Variants in DMD observed in about 807,000 individuals in gnomAD.
DMD encodes mutant dystrophin.
In DMD, 63 loss-of-function variants were observed where a neutral mutation model predicts 330.1. That is an observed-to-expected ratio of 0.19 (90% confidence interval 0.16 to 0.24). DMD has a LOEUF of 0.24. Ranked by LOEUF, DMD falls within the 10% of genes least tolerant of loss-of-function variation. DMD has a pLI of 1.00. For missense variants in DMD, 3,344 were observed against 2,684.1 expected (o/e 1.25, Z -5.43); for synonymous variants, 1,223 against 959.8 (o/e 1.27, Z -5.07).
intron 51 of DMD, among the ~76,000 whole-genome samples, chrX:31,754,917 G>A (rs1444669192): frequency 2.7e-5 from 3 of 111,505 alleles, no homozygotes; most frequent in East Asian, 5.6e-4. Context: ...TAGTTAGACC[G>A]CTAAAAATAA....
intron 56 of DMD, among the ~76,000 whole-genome samples, chrX:31,503,186 C>T (rs2070587007): frequency 8.9e-6 from 1 of 111,812 alleles, no homozygotes; most frequent in Non-Finnish European, 1.9e-5. Flanking sequence ...TATATAATGC[C>T]TTTTAAATCA....
chrX:32,129,450 T>G (rs1342562940), intron 44 of DMD, among the ~76,000 whole-genome samples: 4 of 111,156 alleles, frequency 3.6e-5, no homozygotes, highest in Admixed American at 9.7e-5. Context: ...AAAAGTTTCA[T>G]GAGTACAAAA....
At chrX:31,153,295 T>G in intron 74 of DMD, among the ~76,000 whole-genome samples, 1 of 112,121 alleles carries the variant, frequency 8.9e-6, no homozygotes, top group Non-Finnish European at 1.9e-5. Context: ...GCAAACTGTT[T>G]CTTTTCATGT....
chrX:32,675,577 T>C (rs754213596), intron 9 of DMD, among the ~76,000 whole-genome samples: 1 of 111,760 alleles, frequency 8.9e-6, no homozygotes, highest in South Asian at 3.7e-4. Context: ...TGTGCATAAG[T>C]GTGTTTATGA....
At chrX:32,247,041 A>T (rs2097242027) in intron 43 of DMD, among the ~76,000 whole-genome samples, 1 of 112,005 alleles carries the variant, frequency 8.9e-6, no homozygotes, top group South Asian at 3.7e-4. Flanking sequence ...CATGTAGGTA[A>T]TTTAAATTCA....
At position 33,009,084 on chromosome X, in the gene DMD, GTATA is replaced by G. The variant is rs72042235; in HGVS notation, c.93+11051_93+11054del. Among the ~76,000 whole-genome samples the G allele has an allele frequency of 1.4e-4, 3 of 21,699 alleles. 1 individual carries two copies. The highest frequency in any genetic ancestry group is 4.4e-4 in the Non-Finnish European group (3 of 6,796). 18.8% of individuals were successfully genotyped at this position (21,699 alleles called of 115,157 possible). On this transcript the variant is annotated intron_variant, in intron 2 of 78. Transcript: ENST00000357033. ...TGCATACACACATATACATATATGT[GTATA>G]TATACGTATATATGTATATATATGT...
intron 7 of DMD, among the ~76,000 whole-genome samples, chrX:32,807,531 T>C (rs2077050179): frequency 9.0e-6 from 1 of 111,466 alleles, no homozygotes; most frequent in Non-Finnish European, 1.9e-5. Flanking sequence ...AAAATGGTGA[T>C]CTTATAGGAT....
chrX:32,699,374 AAAGG>A (rs1320893221), intron 7 of DMD, 81 bp from the exon 8 acceptor site: 4 of 780,099 alleles, frequency 5.1e-6, no homozygotes, highest in African/African-American at 4.0e-5. Flanking sequence ...AATCAAAGTT[AAAGG>A]AAGACGATAG....
In DMD at chrX:32,033,603, CAGAA is replaced by C. The variant is rs753337646; in HGVS notation, c.6439-65093_6439-65090del. 9.4e-3 allele frequency among the ~76,000 whole-genome samples: 563 copies of C among 59,835 alleles called. 7 individuals are homozygous for C. The highest frequency in any genetic ancestry group is 0.024 in the Middle Eastern group (3 of 125). The allele number at this position is 59,835 out of a possible 115,157, so 52.0% of individuals were successfully genotyped here. ...TAAAAAAACAAGACAGACAGACAGA[CAGAA>C]AGAAAGAAAGAAAGAAAGAAAGAAA... On this transcript the variant is annotated intron_variant, in intron 44 of 78. Coordinates refer to ENST00000357033, the MANE Select transcript of DMD (RefSeq NM_004006.3).
intron 2 of DMD, among the ~76,000 whole-genome samples, chrX:32,860,313 G>T (rs1002206309): frequency 4.5e-5 from 5 of 112,034 alleles, no homozygotes; most frequent in African/African-American, 1.6e-4. Flanking sequence ...GGATCAATAC[G>T]TTTCAGTAGA....
intron 41 of DMD, among the ~76,000 whole-genome samples, chrX:32,333,544 G>A (rs6527183): frequency 0.48 from 53,071 of 109,790 alleles, 10,571 homozygotes; most frequent in South Asian, 0.72. Context: ...CAGATTCATC[G>A]TCTCATAGTG....
chrX:32,716,390 T>A (rs928468689), intron 7 of DMD, among the ~76,000 whole-genome samples: 8 of 111,011 alleles, frequency 7.2e-5, no homozygotes, highest in African/African-American at 2.3e-4. Flanking sequence ...AGGTATAAGA[T>A]GTGCCTGCTT....
intron 3 of DMD, among the ~76,000 whole-genome samples, chrX:32,848,691 C>CA (rs2080888303): frequency 9.0e-6 from 1 of 110,796 alleles, no homozygotes; most frequent in African/African-American, 3.3e-5. Flanking sequence ...AAAAACAAGA[C>CA]AAAAATGGGC....
chrX:32,407,466 G>A (rs765574279), intron 30 of DMD, among the ~76,000 whole-genome samples: 60 of 111,227 alleles, frequency 5.4e-4, no homozygotes, highest in African/African-American at 1.9e-3. Context: ...TAAAAAGTCA[G>A]GAAACAACAG....
At chrX:32,143,974 C>T (rs937298581) in intron 44 of DMD, among the ~76,000 whole-genome samples, 2 of 110,963 alleles carry the variant, frequency 1.8e-5, no homozygotes, top group African/African-American at 6.6e-5. Context: ...AAATATGTTT[C>T]GTTCTGGGTA....
intron 44 of DMD, among the ~76,000 whole-genome samples, chrX:32,203,251 T>C (rs980255469): frequency 5.3e-5 from 6 of 112,692 alleles, no homozygotes; most frequent in African/African-American, 1.9e-4. Context: ...TTGAGGTTTA[T>C]GTATCTATCT....
At chrX:32,290,334 C>T (rs1243328410) in intron 42 of DMD, among the ~76,000 whole-genome samples, 1 of 111,895 alleles carries the variant, frequency 8.9e-6, no homozygotes, top group Non-Finnish European at 1.9e-5. Flanking sequence ...AAATATATAT[C>T]AAGTAGCCGG....
intron 67 of DMD, among the ~76,000 whole-genome samples, chrX:31,199,586 A>G (rs931689906): frequency 1.8e-5 from 2 of 111,755 alleles, no homozygotes; most frequent in Non-Finnish European, 3.8e-5. Context: ...ATATGAGAAA[A>G]CCTTTAATAG....
At chrX:31,758,186 A>T (rs894655473) in intron 51 of DMD, among the ~76,000 whole-genome samples, 1 of 111,113 alleles carries the variant, frequency 9.0e-6, no homozygotes, top group African/African-American at 3.3e-5. Context: ...AAAACTCTCC[A>T]AAGTGTAGGT....
Sources: allele counts gnomAD v4.1 joint callset (sites outside exome capture counted in the v4.1 genomes callset), GRCh38; gene constraint gnomAD v4.1.1; transcripts MANE v1.5; gene names NCBI Gene and HGNC (gene_info 2026-07-23, HGNC 2026-07-21).